Variants in LGSN observed in about 807,000 individuals in gnomAD.
The protein encoded by LGSN is lengsin, lens protein with glutamine synthetase domain, also known as lengsin.
A neutral mutation model predicts 19.5 loss-of-function variants in LGSN; 21 were observed. The observed-to-expected ratio is 1.07, with a 90% confidence interval of 0.76 to 1.55. The LOEUF (loss-of-function observed/expected upper bound fraction) is 1.55, where lower values mean the gene tolerates loss of function less well. LGSN is among the 40% of genes most tolerant of loss of function. LGSN has a pLI of 0.00. For synonymous variants in LGSN, 257 were observed against 215.6 expected, an observed-to-expected ratio of 1.19 and a Z score of -1.68; for missense variants, 673 against 608.5, an observed-to-expected ratio of 1.11 and a Z score of -1.12.
the LGSN span, among the ~76,000 whole-genome samples, chr6:63,427,721 TA>T: frequency 3.3e-5 from 5 of 152,180 alleles, no homozygotes; most frequent in African/African-American, 9.7e-5. Flanking sequence ...GTAGTTTAGT[TA>T]AAATAAGATT....
chr6:63,355,480 G>C, the LGSN span, among the ~76,000 whole-genome samples: 2 of 152,190 alleles, frequency 1.3e-5, no homozygotes, highest in Non-Finnish European at 2.9e-5. Context: ...ACCAAGTACT[G>C]TAAACTGGGT....
chr6:63,513,806 G>A, the LGSN span, among the ~76,000 whole-genome samples: 5 of 151,248 alleles, frequency 3.3e-5, no homozygotes, highest in Non-Finnish European at 5.9e-5. Context: ...AGCTGCTCGC[G>A]GGGCTGAGGC....
intron 2 of LGSN, chr6:63,293,572 C>A: frequency 3.1e-6 from 1 of 322,032 alleles, no homozygotes; most frequent in Non-Finnish European, 6.2e-6. Flanking sequence ...ATTCCTCAAC[C>A]AACATTACAT....
At chr6:63,417,891 T>A in the LGSN span, among the ~76,000 whole-genome samples, 1 of 152,152 alleles carries the variant, frequency 6.6e-6, no homozygotes, top group South Asian at 2.1e-4. Flanking sequence ...CCAATAAGAT[T>A]GAGAGAAGAA....
chr6:63,297,021 T>C (rs1188608869), intron 1 of LGSN, among the ~76,000 whole-genome samples: 1 of 151,564 alleles, frequency 6.6e-6, no homozygotes, highest in Non-Finnish European at 1.5e-5. Flanking sequence ...ATTTACCTAG[T>C]TACTAACTGA....
Position 63,280,387 on chromosome 6 carries a change from G to A in LGSN, c.1164C>T (p.Asp388=). The change falls in exon 4 of 4, where the codon GAC becomes GAT. Residue 388 remains aspartate (D), a synonymous_variant. Transcript: ENST00000370657. ...KSVPTTWGYN[D]NSCIFNIKCH... is the part of the protein sequence containing the mutation. ...ATTTGATATTAAATATACAGCTGTT[G>A]TCATTGTATCCCCATGTTGTAGGCA... The A allele has an allele frequency of 1.2e-6, 2 of 1,614,146 alleles. No individual in the cohort carries two copies. Among genetic ancestry groups the A allele is most frequent in the African/African-American group, 1.3e-5 (1 of 75,034 alleles).
At chr6:63,461,258 G>A in the LGSN span, among the ~76,000 whole-genome samples, 1 of 152,146 alleles carries the variant, frequency 6.6e-6, no homozygotes, top group Non-Finnish European at 1.5e-5. Context: ...CACCGTGTTG[G>A]CCATGCTGGT....
chr6:63,517,955 C>T, the LGSN span, among the ~76,000 whole-genome samples: 13 of 152,098 alleles, frequency 8.5e-5, no homozygotes, highest in South Asian at 2.1e-4. Context: ...GAGTTCAAGA[C>T]GAGCCTGGCC....
At chr6:63,325,103 CAAAAA>C in the LGSN span, among the ~76,000 whole-genome samples, 1,375 of 65,260 alleles carry the variant, frequency 0.021, 21 homozygotes, top group African/African-American at 0.068. Flanking sequence ...AACTCTGTCT[CAAAAA>C]AAAAAAAAAA....
At chr6:63,508,645 G>A in the LGSN span, among the ~76,000 whole-genome samples, 1 of 152,044 alleles carries the variant, frequency 6.6e-6, no homozygotes, top group Non-Finnish European at 1.5e-5. Context: ...GGCTGGGCAC[G>A]GTGGCTCACG....
intron 1 of LGSN, among the ~76,000 whole-genome samples, chr6:63,301,275 AAT>A (rs1449585216): frequency 2.0e-5 from 3 of 152,288 alleles, no homozygotes; most frequent in African/African-American, 7.2e-5. Flanking sequence ...TGGGTGACAG[AAT>A]GAGACTCTGT....
the LGSN span, among the ~76,000 whole-genome samples, chr6:63,540,686 T>TA: frequency 6.6e-6 from 1 of 151,886 alleles, no homozygotes; most frequent in Non-Finnish European, 1.5e-5. Flanking sequence ...TCTATCACAA[T>TA]ACCATTTATG....
chr6:63,529,135 GTGTATATATATA>G, the LGSN span, among the ~76,000 whole-genome samples: 4 of 133,920 alleles, frequency 3.0e-5, no homozygotes, highest in Non-Finnish European at 6.3e-5. Flanking sequence ...ATATATGTGT[GTGTATATATATA>G]TGTATATATA....
At chr6:63,558,920 T>A in the LGSN span, among the ~76,000 whole-genome samples, 1 of 152,156 alleles carries the variant, frequency 6.6e-6, no homozygotes, top group African/African-American at 2.4e-5. Context: ...TAGATAATGC[T>A]CCTAAAGTGT....
At chr6:63,390,118 CTTTT>C in the LGSN span, among the ~76,000 whole-genome samples, 29 of 66,310 alleles carry the variant, frequency 4.4e-4, no homozygotes, top group South Asian at 7.1e-3. Flanking sequence ...TTCTTTCTTT[CTTTT>C]TTTTTTTTTT....
the LGSN span, among the ~76,000 whole-genome samples, chr6:63,494,662 C>G: frequency 6.6e-6 from 1 of 152,190 alleles, no homozygotes; most frequent in African/African-American, 2.4e-5. Flanking sequence ...GGGACTTACT[C>G]TGTTGCCCAG....
At chr6:63,411,580 C>T in the LGSN span, among the ~76,000 whole-genome samples, 1 of 152,102 alleles carries the variant, frequency 6.6e-6, no homozygotes, top group African/African-American at 2.4e-5. Flanking sequence ...GTGGCTACAC[C>T]TGTAATCCGA....
chr6:63,384,837 G>C, the LGSN span, among the ~76,000 whole-genome samples: 1 of 152,150 alleles, frequency 6.6e-6, no homozygotes, highest in Admixed American at 6.6e-5. Flanking sequence ...TCTATAAAGA[G>C]GTTACTAAAA....
chr6:63,435,140 T>C, the LGSN span, among the ~76,000 whole-genome samples: 1 of 152,162 alleles, frequency 6.6e-6, no homozygotes, highest in African/African-American at 2.4e-5. Flanking sequence ...CAGAGGACAT[T>C]GGCTGTGCAG....
Sources: allele counts gnomAD v4.1 joint callset (sites outside exome capture counted in the v4.1 genomes callset), GRCh38; gene constraint gnomAD v4.1.1; transcripts MANE v1.5; gene names NCBI Gene and HGNC (gene_info 2026-07-23, HGNC 2026-07-21).